Variants in HTR7 observed in about 807,000 individuals in gnomAD.
HTR7 encodes 5-hydroxytryptamine receptor 7, also known as 5-HT-7.
In HTR7, 16 loss-of-function variants were observed where a neutral mutation model predicts 34.0. The observed-to-expected ratio is 0.47, with a 90% CI of 0.32 to 0.71. The LOEUF (loss-of-function observed/expected upper bound fraction) is 0.71. Ranked by LOEUF, HTR7 falls within the 30% of genes least tolerant of loss-of-function variation. HTR7 has a pLI of 0.04. For missense variants in HTR7, 504 were observed against 625.5 expected (o/e 0.81, Z 2.07); for synonymous variants, 265 against 260.2 (o/e 1.02, Z -0.18).
intron 1 of HTR7, among the ~76,000 whole-genome samples, chr10:90,751,703 G>T (rs940183048): frequency 6.6e-6 from 1 of 152,132 alleles, no homozygotes; most frequent in Non-Finnish European, 1.5e-5. Flanking sequence ...TGACAAAAAA[G>T]GTTGTATTTT....
chr10:90,750,528 G>T (rs1844717217), intron 1 of HTR7, among the ~76,000 whole-genome samples: 1 of 151,870 alleles, frequency 6.6e-6, no homozygotes, highest in African/African-American at 2.4e-5. Context: ...AGTCTTTTTT[G>T]GAAAGCTAGG....
At chr10:90,769,925 G>A (rs565921181) in intron 1 of HTR7, among the ~76,000 whole-genome samples, 14 of 152,358 alleles carry the variant, frequency 9.2e-5, no homozygotes, top group Middle Eastern at 3.4e-3. Flanking sequence ...CAGAGCAGCC[G>A]CTGCCATCAC....
chr10:90,780,961 C>T (rs780315432), intron 1 of HTR7, among the ~76,000 whole-genome samples: 10 of 152,150 alleles, frequency 6.6e-5, no homozygotes, highest in African/African-American at 2.2e-4. Context: ...AAGGAATAAA[C>T]GTTTACATCT....
chr10:90,827,711 C>A (rs144567946), intron 1 of HTR7, among the ~76,000 whole-genome samples: 2 of 152,086 alleles, frequency 1.3e-5, no homozygotes, highest in East Asian at 1.9e-4. Flanking sequence ...TACCCAACAC[C>A]GGAGTACCCA....
At chr10:90,801,935 T>G (rs1316503133) in intron 1 of HTR7, among the ~76,000 whole-genome samples, 1 of 152,220 alleles carries the variant, frequency 6.6e-6, no homozygotes. Context: ...AATGTTCATA[T>G]TGTTTGACCC....
intron 1 of HTR7, among the ~76,000 whole-genome samples, chr10:90,826,951 A>G (rs187443521): frequency 1.3e-5 from 2 of 151,824 alleles, no homozygotes; most frequent in Admixed American, 6.6e-5. Flanking sequence ...AATAAAAATA[A>G]TAATAATAAT....
chr10:90,825,424 C>T (rs991232489), intron 1 of HTR7, among the ~76,000 whole-genome samples: 2 of 152,148 alleles, frequency 1.3e-5, no homozygotes, highest in African/African-American at 2.4e-5. Context: ...ACAATAAATA[C>T]CTAACTCTTC....
chr10:90,771,503 G>A (rs1271420485), intron 1 of HTR7, among the ~76,000 whole-genome samples: 1 of 152,354 alleles, frequency 6.6e-6, no homozygotes, highest in East Asian at 1.9e-4. Context: ...CTCCCTCTTT[G>A]AGACCTGTGA....
At chr10:90,766,889 A>G (rs1167165370) in intron 1 of HTR7, among the ~76,000 whole-genome samples, 2 of 152,212 alleles carry the variant, frequency 1.3e-5, no homozygotes, top group African/African-American at 4.8e-5. Context: ...ATGGTTCTTG[A>G]CAGGCCAACT....
At chr10:90,852,316 A>G (rs1386191177) in intron 1 of HTR7, among the ~76,000 whole-genome samples, 3 of 152,228 alleles carry the variant, frequency 2.0e-5, no homozygotes, top group Admixed American at 6.5e-5. Context: ...ACAAAGAACA[A>G]TGGAAAAGAT....
rs888618267 is a variant in HTR7 at position 90,836,419 on chromosome 10, T to G, written c.539+20714A>C. 4.6e-5 allele frequency among the ~76,000 whole-genome samples: 7 copies of G among 152,312 alleles called. No homozygotes were observed. In the East Asian group the frequency reaches 9.6e-4, roughly 21 times the overall value. On this transcript the variant is annotated intron_variant, in intron 1 of 3. Transcript: ENST00000336152. Reference sequence around the variant, plus strand: ...GGTACAGGTCAGTATCGAACAATATTACCAATAGTATTAATAACAATGCTG... The same window carrying G: ...GGTACAGGTCAGTATCGAACAATATGACCAATAGTATTAATAACAATGCTG...
In HTR7 at chr10:90,857,978, C is replaced by A. The variant is rs190139134; in HGVS notation, c.-307G>T. The stretch of plus-strand genomic sequence containing the variant: ...GGGCTCCGCTGGCAGCTCCACAGTT[C>A]GCAGCAGCAGCTCGGCTGCGCCGAG... On this transcript the variant is annotated 5_prime_UTR_variant, in exon 1 of 4. Coordinates refer to ENST00000336152, the MANE Select transcript of HTR7 (RefSeq NM_019859.4). The surrounding 1 kb of genome is among the most constrained non-coding windows in gnomAD (Gnocchi z 6.5). 2.8e-3 allele frequency among the ~76,000 whole-genome samples: 419 copies of A among 150,986 alleles called. 3 individuals are homozygous for A. Among genetic ancestry groups the A allele is most frequent in the African/African-American group, 9.6e-3 (398 of 41,402 alleles).
At chr10:90,799,252 A>T (rs1461808450) in intron 1 of HTR7, among the ~76,000 whole-genome samples, 11 of 151,960 alleles carry the variant, frequency 7.2e-5, no homozygotes, top group African/African-American at 2.7e-4. Context: ...ACACCCACCA[A>T]ATTTTCCTTA....
chr10:90,767,308 C>T (rs939157014), intron 1 of HTR7, among the ~76,000 whole-genome samples: 1 of 152,208 alleles, frequency 6.6e-6, no homozygotes, highest in Admixed American at 6.5e-5. Flanking sequence ...CATTTGTCTG[C>T]CAATTAGTCC....
chr10:90,835,044 T>C (rs1846233401), intron 1 of HTR7, among the ~76,000 whole-genome samples: 1 of 152,172 alleles, frequency 6.6e-6, no homozygotes, highest in African/African-American at 2.4e-5. Flanking sequence ...TGTGGAAATG[T>C]AAAAATGCGT....
chr10:90,819,984 C>T (rs1477406194), intron 1 of HTR7, among the ~76,000 whole-genome samples: 1 of 152,016 alleles, frequency 6.6e-6, no homozygotes, highest in African/African-American at 2.4e-5. Context: ...CTTAAATGCT[C>T]TTAAGTAAAT....
At chr10:90,750,453 C>A (rs964187301) in intron 1 of HTR7, among the ~76,000 whole-genome samples, 2 of 152,168 alleles carry the variant, frequency 1.3e-5, no homozygotes, top group African/African-American at 4.8e-5. Context: ...AAAAGATGTT[C>A]TGCCAAATGC....
chr10:90,796,929 G>A (rs530919061), intron 1 of HTR7, among the ~76,000 whole-genome samples: 8 of 151,148 alleles, frequency 5.3e-5, no homozygotes, highest in African/African-American at 9.7e-5. Context: ...GGAGAATGGC[G>A]TAAACCTGCA....
chr10:90,829,031 C>T (rs146317439), intron 1 of HTR7, among the ~76,000 whole-genome samples: 359 of 152,212 alleles, frequency 2.4e-3, no homozygotes, highest in African/African-American at 7.7e-3. Context: ...CAACAACATA[C>T]TAAAAAGATC....
Sources: gnomAD v4.1 joint callset for allele counts (sites outside exome capture counted in the v4.1 genomes callset) on GRCh38, gnomAD v4.1.1 for gene constraint, Gnocchi (gnomAD v3.1) non-coding constraint, MANE v1.5 for transcripts, NCBI Gene and HGNC (gene_info 2026-07-23, HGNC 2026-07-21) for gene names.